CPNE9: variants seen among roughly 807,000 people sequenced by gnomAD.
The protein encoded by CPNE9 is copine family member 9.
A neutral mutation model predicts 83.0 loss-of-function variants in CPNE9; 59 were observed. The observed-to-expected ratio is 0.71, with a 90% CI of 0.58 to 0.88. The LOEUF (loss-of-function observed/expected upper bound fraction) is 0.88, where lower values mean the gene tolerates loss of function less well. CPNE9 is among the 40% of genes least tolerant of loss of function. The pLI is 0.00. For synonymous variants in CPNE9, 256 were observed against 273.4 expected, an observed-to-expected ratio of 0.94 and a Z score of 0.63; for missense variants, 619 against 720.8, an observed-to-expected ratio of 0.86 and a Z score of 1.62.
chr3:9,707,988 G>A (rs1188997066), intron 7 of CPNE9, among the ~76,000 whole-genome samples: 4 of 152,164 alleles, frequency 2.6e-5, no homozygotes, highest in Admixed American at 1.3e-4. Flanking sequence ...GCCCAGGCTG[G>A]AGCGCGATGG....
intron 17 of CPNE9, 138 bp from the exon 18 acceptor site, chr3:9,725,811 G>A: frequency 1.4e-6 from 1 of 692,398 alleles, no homozygotes; most frequent in Non-Finnish European, 2.6e-6. Flanking sequence ...AGGCTGCCAG[G>A]TCTGGGGAAG....
chr3:9,709,275 CA>C (rs551334173), intron 7 of CPNE9, among the ~76,000 whole-genome samples: 1,509 of 56,764 alleles, frequency 0.027, 14 homozygotes, highest in African/African-American at 0.084. Context: ...GACTCCATCT[CA>C]AAAAAAAAAA....
At chr3:9,720,036 C>T (rs2076721168) in intron 17 of CPNE9, among the ~76,000 whole-genome samples, 1 of 150,716 alleles carries the variant, frequency 6.6e-6, no homozygotes, top group South Asian at 2.1e-4. Context: ...CACACACACA[C>T]ACAAACCAAA....
At chr3:9,728,432 T>G (rs954036322) in intron 20 of CPNE9, among the ~76,000 whole-genome samples, 7 of 152,188 alleles carry the variant, frequency 4.6e-5, no homozygotes, top group African/African-American at 1.7e-4. Context: ...GAAACCAGCC[T>G]GACCAACATG....
At chr3:9,726,357 G>C (rs1172490095) in intron 18 of CPNE9, among the ~76,000 whole-genome samples, 1 of 152,166 alleles carries the variant, frequency 6.6e-6, no homozygotes, top group Non-Finnish European at 1.5e-5. Flanking sequence ...TAGGGAACTT[G>C]AGTCTTTTAT....
At chr3:9,709,034 G>A (rs1213851460) in intron 7 of CPNE9, among the ~76,000 whole-genome samples, 1 of 150,898 alleles carries the variant, frequency 6.6e-6, no homozygotes. Flanking sequence ...AGCACTTTGG[G>A]AGGCCGAGGT....
chr3:9,725,753 G>A (rs2076779171), intron 17 of CPNE9, among the ~76,000 whole-genome samples, 196 bp from the exon 18 acceptor site: 1 of 145,580 alleles, frequency 6.9e-6, no homozygotes. Flanking sequence ...GTATATATGT[G>A]TGTGTATATA....
chr3:9,726,570 G>A, intron 18 of CPNE9, 95 bp from the exon 19 acceptor site: 13 of 953,474 alleles, frequency 1.4e-5, no homozygotes, highest in Non-Finnish European at 2.0e-5. Context: ...AAGATGTGCA[G>A]AACCATGACA....
intron 14 of CPNE9, among the ~76,000 whole-genome samples, chr3:9,716,631 C>A (rs1036746485): frequency 5.9e-5 from 9 of 152,112 alleles, no homozygotes; most frequent in African/African-American, 2.2e-4. Context: ...CCACCACGCC[C>A]GGCTAATTTT....
intron 17 of CPNE9, among the ~76,000 whole-genome samples, chr3:9,721,799 G>T (rs996895191): frequency 5.9e-5 from 9 of 152,206 alleles, no homozygotes; most frequent in African/African-American, 1.7e-4. Flanking sequence ...AAGAGCTCCA[G>T]CTTCAGGCTC....
intron 19 of CPNE9, 59 bp from the exon 20 acceptor site, chr3:9,727,054 G>A: frequency 6.3e-7 from 1 of 1,576,844 alleles, no homozygotes; most frequent in Non-Finnish European, 8.7e-7. Context: ...CAAAGGGAGG[G>A]GGCAGCATGG....
At chr3:9,709,371 T>G (rs1235879500) in intron 7 of CPNE9, among the ~76,000 whole-genome samples, 1 of 148,344 alleles carries the variant, frequency 6.7e-6, no homozygotes, top group Non-Finnish European at 1.5e-5. Flanking sequence ...ATAATTTTTT[T>G]TTTTTTTTTT....
chr3:9,714,877 A>G, intron 10 of CPNE9, 37 bp from the exon 11 acceptor site: 2 of 1,584,942 alleles, frequency 1.3e-6, no homozygotes, highest in South Asian at 1.1e-5. Flanking sequence ...GGGATTTATC[A>G]TACACACCTA....
chr3:9,718,136 G>A lies in CPNE9; in HGVS notation c.1039G>A (p.Asp347Asn), dbSNP rs941025764. 64 of 1,613,988 alleles carry A rather than the reference G, an allele frequency of 4.0e-5. No individual in the cohort carries two copies. Among genetic ancestry groups the A allele is most frequent in the Non-Finnish European group, 5.4e-5 (64 of 1,180,000 alleles). The change falls in exon 16 of 21, where the codon GAT becomes AAT. Residue 347 changes from aspartate to asparagine, a missense_variant. This residue lies in a region of CPNE9 where 438 missense variants were observed against 562.9 expected (regional missense o/e 0.78). Coordinates refer to ENST00000383832, the MANE Select transcript of CPNE9 (RefSeq NM_153635.3). ...AGAGATCATCCAGGACTATGACAGT[G>A]ATAAGCTCTTCCCAGCTTATGGCTT... ...VGEIIQDYDSDKLFPAYGFGA... is the reference protein window; with the variant it reads ...VGEIIQDYDSNKLFPAYGFGA...
chr3:9,717,804 G>A (rs1246306581), intron 15 of CPNE9, among the ~76,000 whole-genome samples: 2 of 152,086 alleles, frequency 1.3e-5, no homozygotes, highest in Non-Finnish European at 2.9e-5. Context: ...AGGTAGATGG[G>A]TGGATGGATG....
intron 15 of CPNE9, among the ~76,000 whole-genome samples, chr3:9,717,634 G>A (rs893534496): frequency 1.3e-5 from 2 of 152,160 alleles, no homozygotes; most frequent in Non-Finnish European, 2.9e-5. Flanking sequence ...GTATAGATGG[G>A]TGGAAAATGA....
intron 4 of CPNE9, 62 bp from the exon 5 acceptor site, chr3:9,705,402 G>T (rs2076552152): frequency 8.2e-7 from 1 of 1,214,840 alleles, no homozygotes; most frequent in South Asian, 1.3e-5. Context: ...CTCGGTGCCC[G>T]ACCCCTTTCC....
intron 20 of CPNE9, among the ~76,000 whole-genome samples, chr3:9,728,055 G>C (rs3908127): frequency 6.6e-6 from 1 of 152,204 alleles, no homozygotes; most frequent in Non-Finnish European, 1.5e-5. Context: ...CATTTGCTGG[G>C]AAGGGGAAAG....
Position 9,703,845 on chromosome 3 carries a change from C to A in CPNE9, c.-152C>A. On this transcript the variant is annotated 5_prime_UTR_variant, in exon 1 of 21. Transcript: ENST00000383832. ...GCCGCCGGCGGCCACTGTCAGGGCG[C>A]GAGCGGCTGGAGCGCACGCAGGGCT... The A allele has an allele frequency of 2.2e-6, 1 of 448,714 alleles. No individual in the cohort carries two copies. The highest frequency in any genetic ancestry group is 3.6e-6 in the Non-Finnish European group (1 of 275,896). 27.8% of individuals were successfully genotyped at this position (448,714 alleles called of 1,614,324 possible).
Sources: gnomAD v4.1 joint callset for allele counts (sites outside exome capture counted in the v4.1 genomes callset) on GRCh38, gnomAD v4.1.1 for gene constraint, gnomAD v4.1.1 regional missense constraint, MANE v1.5 for transcripts, NCBI Gene and HGNC (gene_info 2026-07-23, HGNC 2026-07-21) for gene names.